The following ZNF592 variants were observed in gnomAD, a reference collection of about 807,000 sequenced individuals.
ZNF592 encodes the protein zinc finger protein 592, also known as spinocerebellar ataxia, autosomal recessive 5.
ZNF592 carries 11 observed loss-of-function variants against 80.3 expected under a neutral mutation model. That is an observed-to-expected ratio of 0.14 (90% CI 0.09 to 0.23). The LOEUF is 0.23. Ranked by LOEUF, ZNF592 falls within the 10% of genes least tolerant of loss-of-function variation. ZNF592 has a pLI of 1.00. For missense variants in ZNF592, 1,420 were observed against 1,633.9 expected, an observed-to-expected ratio of 0.87 and a Z score of 2.26; for synonymous variants, 646 against 640.3, an observed-to-expected ratio of 1.01 and a Z score of -0.13.
chr15:84,775,467 CTG>C (rs1962218730), intron 2 of ZNF592, among the ~76,000 whole-genome samples: 1 of 151,950 alleles, frequency 6.6e-6, no homozygotes, highest in Admixed American at 6.6e-5. Context: ...GAGTCTCGCT[CTG>C]TTGCCCAGGC....
chr15:84,772,220 C>T (rs1454456930), intron 2 of ZNF592, among the ~76,000 whole-genome samples: 3 of 152,134 alleles, frequency 2.0e-5, no homozygotes, highest in East Asian at 1.9e-4. Context: ...CCTTCACTAC[C>T]GTAACCCATG....
rs542020081 is a variant in ZNF592, at chr15:84,774,678, G to GT, written c.-149-3495dup. The stretch of plus-strand genomic sequence containing the variant: ...TGGAAGTCAGTTGTTATTTTGTTCT[G>GT]TTTTTTTTTTGGTGGGATCTTAGCA... On this transcript the variant is annotated intron_variant, in intron 2 of 10. Transcript: ENST00000560079. 3.2e-3 allele frequency among the ~76,000 whole-genome samples: 467 copies of GT among 146,230 alleles called. 1 individual carries two copies. The highest frequency in any genetic ancestry group is 7.1e-3 in the Middle Eastern group (2 of 282).
chr15:84,771,516 G>T (rs1449248707), intron 2 of ZNF592, among the ~76,000 whole-genome samples: 1 of 152,116 alleles, frequency 6.6e-6, no homozygotes, highest in Non-Finnish European at 1.5e-5. Context: ...CTGGAGAGGG[G>T]CAGAGACCAC....
intron 5 of ZNF592, among the ~76,000 whole-genome samples, chr15:84,796,239 AATAT>A (rs1285421952): frequency 2.4e-3 from 80 of 33,234 alleles, no homozygotes; most frequent in East Asian, 0.021. Flanking sequence ...AAAAAAAAAA[AATAT>A]ATATATATAT....
chr15:84,793,324 G>A (rs1371724076), intron 5 of ZNF592, among the ~76,000 whole-genome samples: 1 of 152,118 alleles, frequency 6.6e-6, no homozygotes, highest in Non-Finnish European at 1.5e-5. Flanking sequence ...TGATCCACCT[G>A]GCTTGGCCTC....
At chr15:84,780,021 C>G (rs1393160648) in intron 3 of ZNF592, among the ~76,000 whole-genome samples, 2 of 125,592 alleles carry the variant, frequency 1.6e-5, no homozygotes, top group Non-Finnish European at 3.2e-5. Context: ...GAGTCTTGGT[C>G]TATTGCCCAG....
intron 2 of ZNF592, among the ~76,000 whole-genome samples, chr15:84,774,616 G>A (rs908888197): frequency 3.3e-5 from 5 of 151,928 alleles, no homozygotes; most frequent in Admixed American, 3.3e-4. Context: ...ACATATATAC[G>A]GATGCACACA....
At chr15:84,791,790 A>C (rs7166082) in intron 5 of ZNF592, among the ~76,000 whole-genome samples, 6 of 152,264 alleles carry the variant, frequency 3.9e-5, no homozygotes, top group African/African-American at 1.4e-4. Context: ...AGGGGAAACC[A>C]TACCTGGCAA....
intron 4 of ZNF592, among the ~76,000 whole-genome samples, chr15:84,786,101 C>T (rs768569860): frequency 3.3e-5 from 5 of 152,148 alleles, no homozygotes; most frequent in East Asian, 1.9e-4. Context: ...GTGTTGGTAG[C>T]TGTTGAGCTT....
At chr15:84,765,625 A>T (rs1446688078) in intron 2 of ZNF592, among the ~76,000 whole-genome samples, 5 of 128,082 alleles carry the variant, frequency 3.9e-5, no homozygotes, top group Non-Finnish European at 4.7e-5. Context: ...TGAAACCTCC[A>T]CCTCCCGGGT....
chr15:84,756,050 A>C (rs144838366), intron 1 of ZNF592, among the ~76,000 whole-genome samples: 5 of 152,236 alleles, frequency 3.3e-5, no homozygotes, highest in Admixed American at 1.3e-4. Flanking sequence ...CCTATGGACC[A>C]TTGGGCTCAG....
intron 1 of ZNF592, among the ~76,000 whole-genome samples, chr15:84,757,343 T>TC (rs1305386603): frequency 6.7e-6 from 1 of 148,506 alleles, no homozygotes. Flanking sequence ...TCTTTCCTTT[T>TC]TTTTTTTTTT....
intron 1 of ZNF592, among the ~76,000 whole-genome samples, chr15:84,748,877 C>T (rs1329858564): frequency 6.7e-6 from 1 of 148,500 alleles, no homozygotes; most frequent in African/African-American, 2.4e-5. Flanking sequence ...CGCCCCCGGC[C>T]GTCGGGCGCC....
chr15:84,802,629 T>G lies in ZNF592; in HGVS notation c.*236T>G. The G allele has an allele frequency of 3.5e-6, 2 of 579,528 alleles. No homozygotes were observed. Among genetic ancestry groups the G allele is most frequent in the South Asian group, 4.0e-5 (2 of 50,194 alleles). 35.9% of individuals were successfully genotyped at this position (579,528 alleles called of 1,614,324 possible). On this transcript the variant is annotated 3_prime_UTR_variant, in exon 11 of 11. Transcript: ENST00000560079. ...TCTGTTATTTATGGCTTTTCGCTGC[T>G]TCTTGGTGCCCCATCTCTTGTCTGT...
At chr15:84,757,293 C>G (rs1033258094) in intron 1 of ZNF592, among the ~76,000 whole-genome samples, 1 of 151,704 alleles carries the variant, frequency 6.6e-6, no homozygotes, top group Admixed American at 6.6e-5. Context: ...AGGTGTACCA[C>G]TGTCCCTGAT....
In ZNF592 at chr15:84,801,992, T is replaced by C. The variant is rs1270257940; in HGVS notation, c.3403T>C (p.Ser1135Pro). Residue 1135 changes from serine to proline, a missense_variant, in exon 11 of 11, where the codon TCG (serine) becomes CCG (proline). Ser to Pro is a moderately conservative substitution (Grantham distance 74). Around this residue, in one of 7 missense-constraint regions of ZNF592, gnomAD observed 145 missense variants for 211.9 expected, o/e 0.68. Transcript: ENST00000560079. ...CGCGAAATGTAGTTTTGCCACAGAC[T>C]CGGGGCTCGAGTTTCAGAGCCACAT... ...QCAKCSFATD[S>P]GLEFQSHIPQ... 1.2e-6 allele frequency: 2 copies of C among 1,613,972 alleles called. No individual in the cohort carries two copies. The highest frequency in any genetic ancestry group is 3.3e-5 in the Admixed American group (2 of 60,020).
chr15:84,796,274 TATATATATATATATATATATAAAA>T lies in ZNF592; in HGVS notation c.2400-1593_2400-1570del, dbSNP rs1567076362. ...TATATATATATATATATTTTATATA[TATATATATATATATATATATAAAA>T]AAACGAAGGGTAACATTCAGGAGTC... On this transcript the variant is annotated intron_variant, in intron 5 of 10. Coordinates refer to ENST00000560079, the MANE Select transcript of ZNF592 (RefSeq NM_014630.3). Among the ~76,000 whole-genome samples, 25 of 50,410 alleles carry T rather than the reference TATATATATATATATATATATAAAA, an allele frequency of 5.0e-4. 1 individual carries two copies. Among genetic ancestry groups the T allele is most frequent in the African/African-American group, 2.2e-3 (21 of 9,396 alleles). 33.1% of individuals were successfully genotyped at this position (50,410 alleles called of 152,430 possible). A position where few individuals can be genotyped will look rare whatever the true frequency, so the allele number is the denominator to read the frequency against.
Position 84,804,557 on chromosome 15 carries a change from C to T in ZNF592, c.*2164C>T, listed in dbSNP as rs1963191674. Reference sequence around the variant, plus strand: ...CAGCTCTTAACAAATCCCTTAACCTCACTGTCTCCTCTCCTTCACAATAGA... The same window carrying T: ...CAGCTCTTAACAAATCCCTTAACCTTACTGTCTCCTCTCCTTCACAATAGA... On this transcript the variant is annotated 3_prime_UTR_variant, in exon 11 of 11. Transcript: ENST00000560079. 2 of 152,248 alleles carry T rather than the reference C, an allele frequency of 1.3e-5. No individual in the cohort carries two copies. Among genetic ancestry groups the T allele is most frequent in the Admixed American group, 6.5e-5 (1 of 15,286 alleles). 9.4% of individuals were successfully genotyped at this position (152,248 alleles called of 1,614,324 possible).
At chr15:84,785,592 G>A (rs1454826899) in intron 4 of ZNF592, among the ~76,000 whole-genome samples, 6 of 152,168 alleles carry the variant, frequency 3.9e-5, no homozygotes, top group East Asian at 1.9e-4. Flanking sequence ...GATTACAGGC[G>A]TGAGCCACTG....
Sources: gnomAD v4.1 joint callset for allele counts (sites outside exome capture counted in the v4.1 genomes callset) on GRCh38, gnomAD v4.1.1 for gene constraint, gnomAD v4.1.1 regional missense constraint, MANE v1.5 for transcripts, NCBI Gene and HGNC (gene_info 2026-07-23, HGNC 2026-07-21) for gene names.